The following ADAMTS13 variants were observed in gnomAD, a reference collection of about 807,000 sequenced individuals.
ADAMTS13 encodes the protein A disintegrin and metalloproteinase with thrombospondin motifs 13.
ADAMTS13 carries 110 observed loss-of-function variants against 155.1 expected under a neutral mutation model. The ratio of observed to expected loss-of-function variants is 0.71; its 90% CI spans 0.61 to 0.83. ADAMTS13 has a LOEUF of 0.83. Among genes scored for constraint, ADAMTS13 ranks in the 40% least tolerant of loss-of-function variants. The pLI is 0.00. For missense variants in ADAMTS13, 1,707 were observed against 1,891.7 expected (o/e 0.90, Z 1.81); for synonymous variants, 758 against 756.4 (o/e 1.00, Z -0.03).
Position 133,422,515 on chromosome 9 carries a change from C to A in ADAMTS13, c.72C>A (p.Leu24=). 1 of 1,614,136 alleles carries A rather than the reference C, an allele frequency of 6.2e-7. No individual in the cohort carries two copies. The highest frequency in any genetic ancestry group is 8.5e-7 in the Non-Finnish European group (1 of 1,180,026). The change falls in exon 1 of 29, where the codon CTC becomes CTA. Residue 24 remains leucine, a synonymous_variant. Coordinates refer to ENST00000355699, the MANE Select transcript of ADAMTS13 (RefSeq NM_139027.6). ...CCGGAATCCTTGCCTGTGGCTTTCT[C>A]CTGGGCTGCTGGGGACCCTCCCATT... is the stretch of plus-strand genomic sequence containing the variant. ...CVAGILACGF[L]LGCWGPSHFQ...
At chr9:133,448,944 C>A (rs1554793468) in intron 22 of ADAMTS13, among the ~76,000 whole-genome samples, 6 of 152,338 alleles carry the variant, frequency 3.9e-5, no homozygotes, top group Non-Finnish European at 2.9e-5. Context: ...CAGAGCCCTG[C>A]CCTGCCAGGT....
At chr9:133,443,331 G>C in intron 18 of ADAMTS13, 45 bp from the exon 19 acceptor site, 1 of 1,563,264 alleles carries the variant, frequency 6.4e-7, no homozygotes, top group East Asian at 2.3e-5. Context: ...CCCCAGGCCA[G>C]CCTGGGACCT....
upstream of ADAMTS13, among the ~76,000 whole-genome samples, chr9:133,421,233 T>C (rs1839941505): frequency 6.6e-6 from 1 of 152,160 alleles, no homozygotes; most frequent in African/African-American, 2.4e-5. Context: ...GCCACTGCAC[T>C]CCAGCCTGGG....
At chr9:133,450,132 TA>T (rs947278662) in intron 23 of ADAMTS13, among the ~76,000 whole-genome samples, 167 bp downstream of exon 23, 4 of 147,182 alleles carry the variant, frequency 2.7e-5, no homozygotes, top group Non-Finnish European at 4.5e-5. Flanking sequence ...ACCTCATCTC[TA>T]AAAAAAAAAC....
chr9:133,442,348 A>T, intron 16 of ADAMTS13, 51 bp from the exon 17 acceptor site: 1 of 1,613,354 alleles, frequency 6.2e-7, no homozygotes, highest in Non-Finnish European at 8.5e-7. Context: ...TGGCCATGAC[A>T]GTGACCCTCA....
At chr9:133,417,770 C>A, upstream of ADAMTS13, 4 of 1,612,034 alleles carry the variant, frequency 2.5e-6, no homozygotes, top group South Asian at 3.3e-5. Context: ...TCCGAGTGAG[C>A]GTCTTGACAG....
chr9:133,454,675 GCTC>G, intron 24 of ADAMTS13, 56 bp downstream of exon 24: 1 of 1,536,256 alleles, frequency 6.5e-7, no homozygotes, highest in South Asian at 1.2e-5. Context: ...ATCAGCTGTG[GCTC>G]CTCATGTGTG....
intron 17 of ADAMTS13, 34 bp from the exon 18 acceptor site, chr9:133,442,580 G>A (rs1841754402): frequency 1.2e-6 from 2 of 1,613,250 alleles, no homozygotes; most frequent in African/African-American, 1.3e-5. Context: ...TGCCCCTGCA[G>A]GGAGGCGGCC....
chr9:133,427,765 G>A, intron 6 of ADAMTS13, among the ~76,000 whole-genome samples: 1 of 152,064 alleles, frequency 6.6e-6, no homozygotes, highest in East Asian at 1.9e-4. Flanking sequence ...CATAGACACT[G>A]TGCCCAAAAG....
intron 18 of ADAMTS13, 122 bp downstream of exon 18, chr9:133,442,865 G>A: frequency 7.0e-7 from 1 of 1,422,938 alleles, no homozygotes. Context: ...TCCTGTGCAG[G>A]CTCTCATTAC....
intron 11 of ADAMTS13, among the ~76,000 whole-genome samples, chr9:133,435,076 G>A (rs1051964098): frequency 3.3e-5 from 5 of 152,210 alleles, no homozygotes; most frequent in African/African-American, 1.2e-4. Flanking sequence ...TGTGAACAGA[G>A]CCGCTGCGAA....
rs961152342 is a variant in ADAMTS13, at chr9:133,456,735, C to T, written c.3724+16C>T. ...TTCTACAGAGGTATGGCCAGGCCTT[C>T]TCCACCTCCCTTGGGTGCTCCAGTC... On this transcript the variant is annotated intron_variant, in intron 27 of 28. Transcript: ENST00000355699. This position sits in a 1 kb window ranked among gnomAD's most constrained non-coding sequence, Gnocchi z 4.4. The T allele has an allele frequency of 6.4e-7, 1 of 1,552,974 alleles. No homozygotes were observed. The highest frequency in any genetic ancestry group is 8.7e-7 in the Non-Finnish European group (1 of 1,147,720).
intron 1 of ADAMTS13, among the ~76,000 whole-genome samples, chr9:133,416,261 T>TA (rs1300725635): frequency 6.6e-6 from 1 of 152,172 alleles, no homozygotes; most frequent in African/African-American, 2.4e-5. Flanking sequence ...AGTGAGAACT[T>TA]ACTCGTTACT....
upstream of ADAMTS13, chr9:133,422,105 G>C: frequency 2.9e-6 from 1 of 349,400 alleles, no homozygotes; most frequent in Non-Finnish European, 5.2e-6. Flanking sequence ...CCCGTCTGTG[G>C]GTTTCTGGTC....
Position 133,456,340 on chromosome 9 carries a change from T to G in ADAMTS13, c.3547+125T>G, listed in dbSNP as rs998752165. 6.7e-7 allele frequency: 1 copy of G among 1,490,596 alleles called. No homozygotes were observed. The highest frequency in any genetic ancestry group is 1.4e-5 in the African/African-American group (1 of 72,380). 92.3% of individuals were successfully genotyped at this position (1,490,596 alleles called of 1,614,324 possible). On this transcript the variant is annotated intron_variant, in intron 26 of 28. Coordinates refer to ENST00000355699, the MANE Select transcript of ADAMTS13 (RefSeq NM_139027.6). This position sits in a 1 kb window ranked among gnomAD's most constrained non-coding sequence, Gnocchi z 4.4. Reference sequence around the variant, plus strand: ...TCCCACCTGTAGTTTGCATCCCATCTCATGACTGGGGAGTGATGATCTGCA... The same window carrying G: ...TCCCACCTGTAGTTTGCATCCCATCGCATGACTGGGGAGTGATGATCTGCA...
chr9:133,442,294 A>T (rs940395013), intron 16 of ADAMTS13, 105 bp from the exon 17 acceptor site: 2 of 1,567,406 alleles, frequency 1.3e-6, no homozygotes, highest in African/African-American at 2.7e-5. Flanking sequence ...TGAACGAAAG[A>T]TTATAGGGAT....
At position 133,425,408 on chromosome 9, in the gene ADAMTS13, C is replaced by T; in HGVS notation, c.331-121C>T. Reference sequence around the variant, plus strand: ...AGCCCCCCGCCCCGCCCGGTTCCCACACATGCTGGTGGAGTAGCCTCTCCA... The same window carrying T: ...AGCCCCCCGCCCCGCCCGGTTCCCATACATGCTGGTGGAGTAGCCTCTCCA... On this transcript the variant is annotated intron_variant, in intron 3 of 28. Transcript: ENST00000355699. This position sits in a 1 kb window ranked among gnomAD's most constrained non-coding sequence, Gnocchi z 4.6. 1.2e-6 allele frequency: 1 copy of T among 801,126 alleles called. No individual in the cohort carries two copies. The highest frequency in any genetic ancestry group is 2.0e-6 in the Non-Finnish European group (1 of 492,924). The allele number at this position is 801,126 out of a possible 1,614,324, so 49.6% of individuals were successfully genotyped here.
In ADAMTS13 at chr9:133,441,757, G is replaced by A. The variant is rs953251703; in HGVS notation, c.1969-642G>A. 3.3e-5 allele frequency among the ~76,000 whole-genome samples: 5 copies of A among 152,154 alleles called. No individual in the cohort carries two copies. The highest frequency in any genetic ancestry group is 3.9e-4 in the East Asian group (2 of 5,178). On this transcript the variant is annotated intron_variant, in intron 16 of 28. Transcript: ENST00000355699. The surrounding 1 kb of genome is among the most constrained non-coding windows in gnomAD (Gnocchi z 5.0). ...CCCAGGGATCCAGTTTCTTCCTGCC[G>A]ACCCTACCACAGGTCCCCAGGGATC... is the stretch of plus-strand genomic sequence containing the variant.
At chr9:133,432,764 ATTCC>A in intron 9 of ADAMTS13, 72 bp downstream of exon 9, 1 of 1,430,838 alleles carries the variant, frequency 7.0e-7, no homozygotes, top group Non-Finnish European at 9.5e-7. Context: ...AGGCCGCCCT[ATTCC>A]TAGGTCAGGA....
Sources: gnomAD v4.1 joint callset for allele counts (sites outside exome capture counted in the v4.1 genomes callset) on GRCh38, gnomAD v4.1.1 for gene constraint, Gnocchi (gnomAD v3.1) non-coding constraint, MANE v1.5 for transcripts, NCBI Gene and HGNC (gene_info 2026-07-23, HGNC 2026-07-21) for gene names.